The following LRRC7 variants were observed in gnomAD, a reference collection of about 807,000 sequenced individuals.
The protein encoded by LRRC7 is leucine rich repeat containing 7.
In LRRC7, 23 loss-of-function variants were observed where a neutral mutation model predicts 175.7. That is an observed-to-expected ratio of 0.13 (90% CI 0.09 to 0.19). The LOEUF is 0.19. Among genes scored for constraint, LRRC7 ranks in the 10% least tolerant of loss-of-function variants. The pLI, the probability that LRRC7 is intolerant of heterozygous loss-of-function variation, is 1.00. For missense variants in LRRC7, 1,354 were observed against 1,904.7 expected (o/e 0.71, Z 5.38); for synonymous variants, 685 against 680.9 (o/e 1.01, Z -0.09).
At chr1:69,576,938 T>A (rs1218482992) in intron 1 of LRRC7, among the ~76,000 whole-genome samples, 2 of 152,212 alleles carry the variant, frequency 1.3e-5, no homozygotes, top group South Asian at 2.1e-4. Flanking sequence ...ACCTGTTTTA[T>A]CTTTTGCACT....
At chr1:69,687,684 A>G (rs1661355518) in intron 2 of LRRC7, among the ~76,000 whole-genome samples, 1 of 151,870 alleles carries the variant, frequency 6.6e-6, no homozygotes, top group Non-Finnish European at 1.5e-5. Context: ...TTTGAATAAT[A>G]ACAGAAATTC....
chr1:69,646,673 C>T (rs1655044811), intron 1 of LRRC7, among the ~76,000 whole-genome samples: 1 of 152,058 alleles, frequency 6.6e-6, no homozygotes, highest in Non-Finnish European at 1.5e-5. Flanking sequence ...CACATGGCTT[C>T]AGTACACATT....
At chr1:69,580,530 C>T (rs528323174) in intron 1 of LRRC7, among the ~76,000 whole-genome samples, 77 of 152,164 alleles carry the variant, frequency 5.1e-4, no homozygotes, top group African/African-American at 1.6e-3. Flanking sequence ...ATAGCTCCTC[C>T]GATTTGTAAA....
At chr1:69,576,734 T>G (rs1303186144) in intron 1 of LRRC7, among the ~76,000 whole-genome samples, 2 of 152,188 alleles carry the variant, frequency 1.3e-5, no homozygotes, top group Admixed American at 1.3e-4. Context: ...AAAATGGTTC[T>G]TATTCATGCC....
chr1:69,826,367 T>C (rs1679913979), intron 5 of LRRC7, among the ~76,000 whole-genome samples: 1 of 152,090 alleles, frequency 6.6e-6, no homozygotes, highest in African/African-American at 2.4e-5. Context: ...AGAAAATGGG[T>C]ATTTGTAGTC....
At chr1:69,709,050 A>G (rs1664422373) in intron 2 of LRRC7, among the ~76,000 whole-genome samples, 1 of 152,212 alleles carries the variant, frequency 6.6e-6, no homozygotes, top group Non-Finnish European at 1.5e-5. Context: ...AGTTCAGAGC[A>G]CTCAGATTGT....
chr1:69,731,588 T>A (rs1667588748), intron 2 of LRRC7, among the ~76,000 whole-genome samples: 1 of 152,306 alleles, frequency 6.6e-6, no homozygotes, highest in African/African-American at 2.4e-5. Context: ...AAAAAGAGAA[T>A]GATAAATGTA....
intron 26 of LRRC7, 86 bp from the exon 27 acceptor site, chr1:70,121,694 G>A (rs1030303468): frequency 1.2e-6 from 1 of 839,064 alleles, no homozygotes; most frequent in African/African-American, 1.7e-5. Flanking sequence ...TTGTTGCTCA[G>A]TGCTCCCGTG....
chr1:70,033,495 G>C (rs1278413532), intron 18 of LRRC7, among the ~76,000 whole-genome samples: 2 of 152,062 alleles, frequency 1.3e-5, no homozygotes, highest in African/African-American at 4.8e-5. Flanking sequence ...AAGGGTAAGA[G>C]AATCTACTCA....
intron 2 of LRRC7, among the ~76,000 whole-genome samples, chr1:69,759,086 T>A (rs906475752): frequency 6.6e-6 from 1 of 151,948 alleles, no homozygotes; most frequent in Admixed American, 6.6e-5. Context: ...ATATGATTAG[T>A]GGTGTGGGAA....
intron 7 of LRRC7, among the ~76,000 whole-genome samples, chr1:69,882,660 T>C (rs996397507): frequency 1.3e-4 from 20 of 151,286 alleles, no homozygotes; most frequent in African/African-American, 4.4e-4. Flanking sequence ...CATGTGCACA[T>C]TGTGCAGGTT....
intron 7 of LRRC7, among the ~76,000 whole-genome samples, chr1:69,912,996 A>G (rs1209637791): frequency 6.6e-6 from 1 of 152,178 alleles, no homozygotes; most frequent in Non-Finnish European, 1.5e-5. Context: ...AGAGATAATC[A>G]TAGGAAAGAA....
Position 70,128,718 on chromosome 1 carries a change from G to T in LRRC7, c.*6831G>T, listed in dbSNP as rs1411088192. 1 of 152,130 alleles carries T rather than the reference G, an allele frequency of 6.6e-6. No homozygotes were observed. The allele number at this position is 152,130 out of a possible 1,614,324, so 9.4% of individuals were successfully genotyped here. On this transcript the variant is annotated 3_prime_UTR_variant, in exon 27 of 27. Transcript: ENST00000651989. ...CAGGTACTATGAGGGATGTAATGTG[G>T]TCCCCTCAGCACAGAATCTCACAGT...
In LRRC7 at chr1:70,133,129, A is replaced by C. The variant is rs72917823; in HGVS notation, c.*11242A>C. 3.8e-3 allele frequency among the ~76,000 whole-genome samples: 585 copies of C among 152,264 alleles called. 4 individuals carry two copies. Among genetic ancestry groups the C allele is most frequent in the African/African-American group, 0.013 (559 of 41,550 alleles). ...TCTGCAGTTCAGAAGAGCCACCACT[A>C]GATGGAGACCTCATATCTACATTTT... On this transcript the variant is annotated 3_prime_UTR_variant, in exon 27 of 27. Transcript: ENST00000651989.
intron 1 of LRRC7, among the ~76,000 whole-genome samples, chr1:69,606,411 A>C (rs1206826537): frequency 6.6e-6 from 1 of 152,122 alleles, no homozygotes; most frequent in Non-Finnish European, 1.5e-5. Flanking sequence ...CAAATATCAT[A>C]ATAAAGAGTT....
intron 7 of LRRC7, chr1:69,873,679 C>A: frequency 3.2e-6 from 1 of 314,160 alleles, no homozygotes; most frequent in Non-Finnish European, 6.6e-6. Flanking sequence ...GGGCTGCCTT[C>A]TTACTGCCTA....
At chr1:69,947,964 T>C (rs1234268266) in intron 8 of LRRC7, among the ~76,000 whole-genome samples, 1 of 152,178 alleles carries the variant, frequency 6.6e-6, no homozygotes, top group African/African-American at 2.4e-5. Context: ...TATTGTGGTA[T>C]ACTAACTCTT....
intron 11 of LRRC7, among the ~76,000 whole-genome samples, chr1:69,995,933 TG>T: frequency 6.7e-6 from 1 of 149,892 alleles, no homozygotes; most frequent in South Asian, 2.2e-4. Context: ...ATGGGATGGC[TG>T]GGTCAAATGG....
chr1:69,661,487 T>A (rs972485129), intron 1 of LRRC7, among the ~76,000 whole-genome samples: 1 of 152,208 alleles, frequency 6.6e-6, no homozygotes, highest in Non-Finnish European at 1.5e-5. Context: ...CAGTACTCAC[T>A]TGATTAATCG....
Sources: allele counts gnomAD v4.1 joint callset (sites outside exome capture counted in the v4.1 genomes callset), GRCh38; gene constraint gnomAD v4.1.1; transcripts MANE v1.5; gene names NCBI Gene and HGNC (gene_info 2026-07-23, HGNC 2026-07-21).